Variants in DEPTOR observed in about 807,000 individuals in gnomAD.
The protein encoded by DEPTOR is DEP domain containing MTOR interacting protein.
Under a neutral mutation model 41.6 loss-of-function variants are expected in DEPTOR, and 41 were observed. That is an observed-to-expected ratio of 0.98 (90% CI 0.77 to 1.28). DEPTOR has a LOEUF of 1.28. Among genes scored for constraint, DEPTOR ranks in the 50% most tolerant of loss-of-function variants. The pLI is 0.00. For missense variants in DEPTOR, 514 were observed against 527.9 expected (o/e 0.97, Z 0.26); for synonymous variants, 195 against 192.3 (o/e 1.01, Z -0.12).
intron 4 of DEPTOR, among the ~76,000 whole-genome samples, chr8:119,966,538 G>T (rs1417045796): frequency 6.6e-6 from 1 of 152,208 alleles, no homozygotes; most frequent in Non-Finnish European, 1.5e-5. Flanking sequence ...AGGCTGGACT[G>T]CAAAGGCACC....
chr8:120,006,884 A>T lies in DEPTOR; in HGVS notation c.996+9A>T. The T allele has an allele frequency of 1.9e-6, 3 of 1,614,116 alleles. No homozygotes were observed. The highest frequency in any genetic ancestry group is 2.5e-6 in the Non-Finnish European group (3 of 1,179,988). Reference sequence around the variant, plus strand: ...CAAGGAAGACATTCACGGTAGGCTGATGGTCTGGCCTTTTTCTCCCGTGCT... The same window carrying T: ...CAAGGAAGACATTCACGGTAGGCTGTTGGTCTGGCCTTTTTCTCCCGTGCT... On this transcript the variant is annotated intron_variant, in intron 7 of 8. Coordinates refer to ENST00000286234, the MANE Select transcript of DEPTOR (RefSeq NM_022783.4).
At chr8:119,890,225 G>A (rs1174217196) in intron 1 of DEPTOR, among the ~76,000 whole-genome samples, 1 of 152,154 alleles carries the variant, frequency 6.6e-6, no homozygotes, top group East Asian at 1.9e-4. Flanking sequence ...AAAGTGCTGG[G>A]ATTACAGGTG....
intron 8 of DEPTOR, among the ~76,000 whole-genome samples, chr8:120,043,961 A>C (rs549775704): frequency 1.6e-4 from 25 of 151,972 alleles, no homozygotes; most frequent in African/African-American, 5.8e-4. Flanking sequence ...GCAGTGAGCC[A>C]AAATCCTGCC....
intron 3 of DEPTOR, among the ~76,000 whole-genome samples, chr8:119,946,819 T>C (rs1348876956): frequency 6.6e-6 from 1 of 152,232 alleles, no homozygotes; most frequent in East Asian, 1.9e-4. Context: ...TTGGTGTTAG[T>C]TTCTTCTAGA....
In DEPTOR at chr8:119,952,970, C is replaced by T. The variant is rs111865544; in HGVS notation, c.426-12262C>T. ...GTTTTACTCATAAATATTAACTGAG[C>T]AGCTGTTTATTAGTTCCAAACCAAA... On this transcript the variant is annotated intron_variant, in intron 3 of 8. Transcript: ENST00000286234. 7.4e-4 allele frequency among the ~76,000 whole-genome samples: 113 copies of T among 152,294 alleles called. 2 individuals carry two copies. The highest frequency in any genetic ancestry group is 2.5e-3 in the African/African-American group (102 of 41,566).
At chr8:119,981,004 A>G (rs141097487) in intron 4 of DEPTOR, among the ~76,000 whole-genome samples, 7 of 152,222 alleles carry the variant, frequency 4.6e-5, no homozygotes, top group Non-Finnish European at 5.9e-5. Flanking sequence ...TTTCTCTCTC[A>G]GTTTTTGATG....
At chr8:120,036,734 G>A (rs532294107) in intron 8 of DEPTOR, among the ~76,000 whole-genome samples, 1 of 152,242 alleles carries the variant, frequency 6.6e-6, no homozygotes, top group Admixed American at 6.5e-5. Context: ...AGCCAATCTT[G>A]ACTCAGTTTA....
In DEPTOR at chr8:119,947,934, A is replaced by C. The variant is rs557381219; in HGVS notation, c.426-17298A>C. ...GCCCTCCCCCATCCTCTCCCTGCCC[A>C]GTACCACATGATTTGTCCTGACCTC... On this transcript the variant is annotated intron_variant, in intron 3 of 8. Transcript: ENST00000286234. Among the ~76,000 whole-genome samples, 8 of 152,168 alleles carry C rather than the reference A, an allele frequency of 5.3e-5. No individual in the cohort carries two copies. In the South Asian group the frequency reaches 1.5e-3, roughly 28 times the overall value.
intron 1 of DEPTOR, among the ~76,000 whole-genome samples, chr8:119,927,020 A>T (rs1422787255): frequency 1.3e-5 from 2 of 152,212 alleles, no homozygotes; most frequent in South Asian, 4.1e-4. Flanking sequence ...AAATATTTTA[A>T]ATCCTAAATA....
intron 8 of DEPTOR, among the ~76,000 whole-genome samples, chr8:120,014,377 C>T (rs1812578254): frequency 6.6e-6 from 1 of 152,080 alleles, no homozygotes; most frequent in African/African-American, 2.4e-5. Context: ...GACCCTGAGC[C>T]GTGCAAGGCT....
At chr8:120,028,645 A>G (rs1395056820) in intron 8 of DEPTOR, among the ~76,000 whole-genome samples, 1 of 151,228 alleles carries the variant, frequency 6.6e-6, no homozygotes, top group African/African-American at 2.4e-5. Flanking sequence ...TGTGTTTTTA[A>G]TAGAGATGGG....
At chr8:119,918,995 C>T (rs946040706) in intron 1 of DEPTOR, among the ~76,000 whole-genome samples, 2 of 143,306 alleles carry the variant, frequency 1.4e-5, no homozygotes, top group African/African-American at 2.5e-5. Flanking sequence ...TGTCCAAGAC[C>T]AATTGCTTCT....
At chr8:120,021,949 C>A (rs959462122) in intron 8 of DEPTOR, among the ~76,000 whole-genome samples, 1 of 151,850 alleles carries the variant, frequency 6.6e-6, no homozygotes, top group African/African-American at 2.4e-5. Flanking sequence ...GTCTGACGAC[C>A]AACCTAGGCA....
intron 1 of DEPTOR, among the ~76,000 whole-genome samples, chr8:119,903,630 C>G (rs894924537): frequency 1.3e-4 from 20 of 152,160 alleles, no homozygotes; most frequent in Admixed American, 3.9e-4. Context: ...TGAGAACTGA[C>G]AGTCTTGGTC....
intron 3 of DEPTOR, among the ~76,000 whole-genome samples, chr8:119,944,317 T>G (rs1187022742): frequency 6.6e-6 from 1 of 152,194 alleles, no homozygotes. Context: ...TTTGTTTTGT[T>G]TTCTTCTGAT....
rs181887477 is a variant in DEPTOR, at chr8:119,974,303, T to G, written c.604+8893T>G. Among the ~76,000 whole-genome samples, 329 of 142,356 alleles carry G rather than the reference T, an allele frequency of 2.3e-3. 3 individuals carry two copies. The highest frequency in any genetic ancestry group is 8.2e-3 in the African/African-American group (319 of 38,850). The allele number at this position is 142,356 out of a possible 152,430, so 93.4% of individuals were successfully genotyped here. Reference sequence around the variant, plus strand: ...TGATGATTGAGGCTAAAGGCAAGATTACACCGAGGAGGAAAAATAATTTTT... The same window carrying G: ...TGATGATTGAGGCTAAAGGCAAGATGACACCGAGGAGGAAAAATAATTTTT... On this transcript the variant is annotated intron_variant, in intron 4 of 8. Transcript: ENST00000286234.
At chr8:120,020,240 C>T (rs1313703390) in intron 8 of DEPTOR, among the ~76,000 whole-genome samples, 1 of 152,092 alleles carries the variant, frequency 6.6e-6, no homozygotes, top group Non-Finnish European at 1.5e-5. Flanking sequence ...CAAGTGCATG[C>T]CCAGCTAATT....
At chr8:119,907,561 T>C (rs1827679062) in intron 1 of DEPTOR, among the ~76,000 whole-genome samples, 2 of 152,266 alleles carry the variant, frequency 1.3e-5, no homozygotes, top group East Asian at 3.9e-4. Flanking sequence ...GTGGTGGACT[T>C]TGGGAGACCG....
chr8:119,905,455 A>G (rs1328994312), intron 1 of DEPTOR, among the ~76,000 whole-genome samples: 3 of 152,314 alleles, frequency 2.0e-5, no homozygotes, highest in South Asian at 4.1e-4. Context: ...GAGAAGCACC[A>G]TACAGAGACA....
Sources: gnomAD v4.1 joint callset for allele counts (sites outside exome capture counted in the v4.1 genomes callset) on GRCh38, gnomAD v4.1.1 for gene constraint, MANE v1.5 for transcripts, NCBI Gene and HGNC (gene_info 2026-07-23, HGNC 2026-07-21) for gene names.